Variants in GPC6 observed in about 807,000 individuals in gnomAD.
GPC6 encodes the protein glypican 6.
In GPC6, 14 loss-of-function variants were observed where a neutral mutation model predicts 55.2. That is an observed-to-expected ratio of 0.25 (90% CI 0.17 to 0.40). The LOEUF is 0.40. Among genes scored for constraint, GPC6 ranks in the 10% least tolerant of loss-of-function variants. The pLI, the probability that GPC6 is intolerant of heterozygous loss-of-function variation, is 1.00. For missense variants in GPC6, 641 were observed against 708.5 expected (o/e 0.90, Z 1.08); for synonymous variants, 278 against 259.6 (o/e 1.07, Z -0.68).
intron 2 of GPC6, among the ~76,000 whole-genome samples, chr13:93,555,038 A>G (rs1594262681): frequency 6.6e-6 from 1 of 152,246 alleles, no homozygotes. Flanking sequence ...TTGAAGTAAG[A>G]TAGCAGGAAA....
At chr13:93,951,924 A>G (rs1879271113) in intron 3 of GPC6, among the ~76,000 whole-genome samples, 1 of 152,144 alleles carries the variant, frequency 6.6e-6, no homozygotes, top group Admixed American at 6.6e-5. Flanking sequence ...GTTGTGTTTT[A>G]AAGGTTTGTT....
At chr13:93,971,749 G>T (rs1203426569) in intron 3 of GPC6, among the ~76,000 whole-genome samples, 1 of 152,186 alleles carries the variant, frequency 6.6e-6, no homozygotes, top group Non-Finnish European at 1.5e-5. Flanking sequence ...TGCCCTTAGT[G>T]ACAGGATTGC....
intron 4 of GPC6, among the ~76,000 whole-genome samples, chr13:94,050,766 G>C (rs1249517197): frequency 1.3e-5 from 2 of 152,042 alleles, no homozygotes; most frequent in African/African-American, 4.8e-5. Flanking sequence ...TACTGAGAGG[G>C]GAAAACAGGC....
In GPC6 at chr13:94,293,296, A is replaced by G. The variant is rs1027092622; in HGVS notation, c.1008+6817A>G. Among the ~76,000 whole-genome samples, 5 of 152,144 alleles carry G rather than the reference A, an allele frequency of 3.3e-5. No homozygotes were observed. In the East Asian group the frequency reaches 9.6e-4, roughly 29 times the overall value. The stretch of plus-strand genomic sequence containing the variant: ...TAATCCCCACATGTCAAGGGAGGGA[A>G]CTGGTAGGAGGTGATTGGATTACGG... On this transcript the variant is annotated intron_variant, in intron 5 of 8. Transcript: ENST00000377047.
At chr13:93,467,126 A>G (rs1435237336) in intron 1 of GPC6, among the ~76,000 whole-genome samples, 1 of 152,232 alleles carries the variant, frequency 6.6e-6, no homozygotes, top group East Asian at 1.9e-4. Context: ...CTTTATAAGC[A>G]AAATGTTAAC....
At chr13:94,102,069 TATTATACCATTATATAATA>T in intron 4 of GPC6, among the ~76,000 whole-genome samples, 1 of 152,166 alleles carries the variant, frequency 6.6e-6, no homozygotes, top group East Asian at 1.9e-4. Flanking sequence ...ATAAATATAT[TATTATACCATTATATAATA>T]ATTATACCAT....
intron 2 of GPC6, among the ~76,000 whole-genome samples, chr13:93,656,816 A>AATCAAGTAT (rs1282822285): frequency 5.3e-5 from 8 of 152,128 alleles, no homozygotes; most frequent in African/African-American, 1.7e-4. Flanking sequence ...ATAACATCCA[A>AATCAAGTAT]GCTGAGTACC....
chr13:94,113,570 G>A (rs1886324099), intron 4 of GPC6, among the ~76,000 whole-genome samples: 1 of 149,192 alleles, frequency 6.7e-6, no homozygotes, highest in Admixed American at 6.6e-5. Context: ...CAATAACCTT[G>A]TTTACTATTA....
intron 1 of GPC6, among the ~76,000 whole-genome samples, chr13:93,408,501 A>G (rs1452627691): frequency 1.3e-5 from 2 of 152,170 alleles, no homozygotes; most frequent in African/African-American, 4.8e-5. Flanking sequence ...AAACTGAGCA[A>G]TATTATTGGA....
At chr13:94,015,350 A>G (rs1054580955) in intron 3 of GPC6, among the ~76,000 whole-genome samples, 2 of 151,984 alleles carry the variant, frequency 1.3e-5, no homozygotes, top group African/African-American at 2.4e-5. Context: ...TGTCTACTCA[A>G]ATCTTTTGCC....
intron 3 of GPC6, among the ~76,000 whole-genome samples, chr13:94,006,475 C>G (rs890770137): frequency 1.3e-5 from 2 of 152,172 alleles, no homozygotes; most frequent in Non-Finnish European, 2.9e-5. Flanking sequence ...CCAGAACAGG[C>G]AAGAATGTGG....
Position 94,028,221 on chromosome 13 carries a change from C to T in GPC6, c.877+327C>T, listed in dbSNP as rs546925544. On this transcript the variant is annotated intron_variant, in intron 4 of 8. Coordinates refer to ENST00000377047, the MANE Select transcript of GPC6 (RefSeq NM_005708.5). ...TTGAGGCTACAGTGAGCTGTGATTG[C>T]GCCACTGCACTCCAGCCTGGGTGAC... Among the ~76,000 whole-genome samples the T allele has an allele frequency of 7.9e-5, 12 of 151,896 alleles. No individual in the cohort carries two copies. The East Asian group carries it at 1.4e-3, about 17-fold the overall frequency.
At chr13:94,083,081 C>G (rs1885156828) in intron 4 of GPC6, among the ~76,000 whole-genome samples, 1 of 152,180 alleles carries the variant, frequency 6.6e-6, no homozygotes, top group South Asian at 2.1e-4. Context: ...TCTGACCTAT[C>G]ACTCTGCACC....
At chr13:93,435,904 C>T (rs1482239104) in intron 1 of GPC6, among the ~76,000 whole-genome samples, 1 of 152,164 alleles carries the variant, frequency 6.6e-6, no homozygotes, top group African/African-American at 2.4e-5. Flanking sequence ...TATATGATGT[C>T]TCAGGAATCT....
intron 4 of GPC6, among the ~76,000 whole-genome samples, chr13:94,208,825 G>C (rs1472974914): frequency 4.6e-5 from 7 of 150,700 alleles, no homozygotes; most frequent in East Asian, 1.9e-4. Flanking sequence ...ACGCTGAAGC[G>C]GGAGGATCCC....
At chr13:93,868,968 G>C (rs1015072766) in intron 3 of GPC6, among the ~76,000 whole-genome samples, 1 of 151,754 alleles carries the variant, frequency 6.6e-6, no homozygotes, top group Non-Finnish European at 1.5e-5. Context: ...TTTATGTAGT[G>C]CTCAATTGAG....
At chr13:93,686,468 G>T (rs187882239) in intron 2 of GPC6, among the ~76,000 whole-genome samples, 166 of 152,216 alleles carry the variant, frequency 1.1e-3, no homozygotes, top group Non-Finnish European at 2.0e-3. Context: ...GCCTGCTGGA[G>T]GCTGTCCTGT....
chr13:94,376,894 A>G (rs1245701198), intron 6 of GPC6, among the ~76,000 whole-genome samples: 2 of 151,458 alleles, frequency 1.3e-5, no homozygotes, highest in African/African-American at 4.9e-5. Context: ...GAAATAACGC[A>G]GCATATCTAC....
At chr13:93,393,127 T>TATATATATATATATATAGAGAG (rs1230857277) in intron 1 of GPC6, among the ~76,000 whole-genome samples, 2 of 87,610 alleles carry the variant, frequency 2.3e-5, no homozygotes, top group African/African-American at 7.9e-5. Flanking sequence ...TATATATATA[T>TATATATATATATATATAGAGAG]AGAGAGAGAG....
Sources: allele counts gnomAD v4.1 joint callset (sites outside exome capture counted in the v4.1 genomes callset), GRCh38; gene constraint gnomAD v4.1.1; transcripts MANE v1.5; gene names NCBI Gene and HGNC (gene_info 2026-07-23, HGNC 2026-07-21).